MBOAT2: variants seen among roughly 807,000 people sequenced by gnomAD.
The protein encoded by MBOAT2 is membrane bound glycerophospholipid O-acyltransferase 2, also known as membrane-bound glycerophospholipid O-acyltransferase 2.
A neutral mutation model predicts 63.4 loss-of-function variants in MBOAT2; 28 were observed. That is an observed-to-expected ratio of 0.44 (90% CI 0.33 to 0.61). MBOAT2 has a LOEUF of 0.61. MBOAT2 is among the 20% of genes least tolerant of loss of function. The pLI, the probability that MBOAT2 is intolerant of heterozygous loss-of-function variation, is 0.03. For missense variants in MBOAT2, 470 were observed against 605.8 expected, an observed-to-expected ratio of 0.78 and a Z score of 2.35; for synonymous variants, 211 against 215.6, an observed-to-expected ratio of 0.98 and a Z score of 0.19.
At chr2:8,873,042 C>A in intron 8 of MBOAT2, 66 bp downstream of exon 8, 1 of 1,443,054 alleles carries the variant, frequency 6.9e-7, no homozygotes, top group South Asian at 1.3e-5. Flanking sequence ...GCACTGATAG[C>A]AATCTATCGA....
intron 1 of MBOAT2, among the ~76,000 whole-genome samples, chr2:8,990,308 G>A (rs780586026): frequency 6.6e-6 from 1 of 152,140 alleles, no homozygotes; most frequent in African/African-American, 2.4e-5. Flanking sequence ...CAAATCTGGA[G>A]ATAGAGACAA....
At chr2:8,972,700 T>C (rs1399803407) in intron 1 of MBOAT2, among the ~76,000 whole-genome samples, 4 of 152,098 alleles carry the variant, frequency 2.6e-5, no homozygotes, top group Non-Finnish European at 2.9e-5. Flanking sequence ...CATCAAAAAG[T>C]GGGCGAAGGA....
chr2:8,930,637 T>C (rs1476261517), intron 3 of MBOAT2, among the ~76,000 whole-genome samples: 1 of 143,440 alleles, frequency 7.0e-6, no homozygotes, highest in Non-Finnish European at 1.5e-5. Flanking sequence ...TAATTCTAGA[T>C]CCCTGAGGAA....
chr2:8,999,295 T>C (rs1672525365), intron 1 of MBOAT2, among the ~76,000 whole-genome samples: 2 of 152,184 alleles, frequency 1.3e-5, no homozygotes, highest in African/African-American at 4.8e-5. Context: ...TAGGGAAATT[T>C]ACTCTAGTTT....
In MBOAT2 at chr2:8,858,544, G is replaced by T; in HGVS notation, c.*135C>A. On this transcript the variant is annotated 3_prime_UTR_variant, in exon 13 of 13. Transcript: ENST00000305997. ...CACTCCATTTCCAATCTGGTGTACA[G>T]GAAATTCCTTATCTATAACTGTCCA... 1.5e-6 allele frequency: 1 copy of T among 645,300 alleles called. No individual in the cohort carries two copies. Among genetic ancestry groups the T allele is most frequent in the Non-Finnish European group, 2.6e-6 (1 of 382,192 alleles). 40.0% of individuals were successfully genotyped at this position (645,300 alleles called of 1,614,324 possible).
chr2:8,984,707 A>G (rs764433101), intron 1 of MBOAT2, among the ~76,000 whole-genome samples: 1 of 152,240 alleles, frequency 6.6e-6, no homozygotes, highest in Non-Finnish European at 1.5e-5. Flanking sequence ...TTCTTCCAAT[A>G]TTATTAACTT....
intron 4 of MBOAT2, among the ~76,000 whole-genome samples, chr2:8,889,127 G>A (rs543294627): frequency 2.4e-4 from 37 of 152,156 alleles, no homozygotes; most frequent in Non-Finnish European, 4.7e-4. Context: ...CCAAGGAAAG[G>A]GGCCAGGAGG....
intron 1 of MBOAT2, among the ~76,000 whole-genome samples, chr2:8,970,540 T>TA (rs1464028940): frequency 6.6e-6 from 1 of 151,960 alleles, no homozygotes; most frequent in Non-Finnish European, 1.5e-5. Context: ...CTGAAGGAGA[T>TA]AGAGACACAA....
chr2:8,863,094 A>C (rs1661603615), intron 10 of MBOAT2, among the ~76,000 whole-genome samples: 1 of 152,078 alleles, frequency 6.6e-6, no homozygotes, highest in Non-Finnish European at 1.5e-5. Flanking sequence ...TAATAACACT[A>C]CTCCTTCCGG....
intron 3 of MBOAT2, among the ~76,000 whole-genome samples, chr2:8,924,071 A>G (rs944539143): frequency 4.6e-5 from 7 of 152,174 alleles, no homozygotes; most frequent in African/African-American, 1.7e-4. Flanking sequence ...AGAAGAGTAA[A>G]CTTGAGTTCT....
intron 6 of MBOAT2, among the ~76,000 whole-genome samples, chr2:8,880,301 T>C (rs2148536458): frequency 6.6e-6 from 1 of 152,216 alleles, no homozygotes; most frequent in South Asian, 2.1e-4. Context: ...AAGGGCTAAC[T>C]TGACTTGCTG....
chr2:8,907,659 T>C (rs1012838672), intron 4 of MBOAT2, among the ~76,000 whole-genome samples: 1 of 152,334 alleles, frequency 6.6e-6, no homozygotes, highest in Non-Finnish European at 1.5e-5. Context: ...GATTAACTAG[T>C]TTTTTAGTGC....
At chr2:8,875,889 A>T (rs576564131) in intron 7 of MBOAT2, among the ~76,000 whole-genome samples, 26 of 152,260 alleles carry the variant, frequency 1.7e-4, no homozygotes, top group Non-Finnish European at 3.5e-4. Context: ...TATAAAATAC[A>T]ATGAGCGACA....
intron 5 of MBOAT2, among the ~76,000 whole-genome samples, chr2:8,883,789 A>G (rs1027363548): frequency 9.2e-5 from 14 of 152,178 alleles, no homozygotes; most frequent in African/African-American, 3.1e-4. Context: ...GATCATCACA[A>G]CTTTATACGT....
intron 4 of MBOAT2, among the ~76,000 whole-genome samples, chr2:8,896,278 T>C (rs1168990996): frequency 1.3e-5 from 2 of 150,262 alleles, no homozygotes; most frequent in Admixed American, 6.6e-5. Context: ...AAAGGTGTTG[T>C]CTGATTGCAG....
At chr2:8,877,279 G>A (rs771975045) in intron 6 of MBOAT2, 66 bp from the exon 7 acceptor site, 92 of 1,427,808 alleles carry the variant, frequency 6.4e-5, no homozygotes, top group Non-Finnish European at 8.3e-5. Flanking sequence ...ATAGAATAAC[G>A]ATCCACCTCA....
At chr2:8,966,851 C>G (rs1670031414) in intron 1 of MBOAT2, among the ~76,000 whole-genome samples, 1 of 152,142 alleles carries the variant, frequency 6.6e-6, no homozygotes, top group African/African-American at 2.4e-5. Context: ...ACTCCAATAC[C>G]CATGTGTCTA....
chr2:8,949,465 C>T (rs866775057), intron 2 of MBOAT2, among the ~76,000 whole-genome samples: 3 of 150,422 alleles, frequency 2.0e-5, no homozygotes, highest in African/African-American at 7.3e-5. Flanking sequence ...AGGGTTCTTA[C>T]AGTTTGAGGT....
intron 2 of MBOAT2, among the ~76,000 whole-genome samples, chr2:8,948,538 T>C (rs150969145): frequency 1.1e-4 from 16 of 152,314 alleles, no homozygotes; most frequent in Admixed American, 2.6e-4. Flanking sequence ...CTGCCATCTT[T>C]ATGTCCATGA....
Sources: gnomAD v4.1 joint callset for allele counts (sites outside exome capture counted in the v4.1 genomes callset) on GRCh38, gnomAD v4.1.1 for gene constraint, MANE v1.5 for transcripts, NCBI Gene and HGNC (gene_info 2026-07-23, HGNC 2026-07-21) for gene names.